NOC3L: variants seen among roughly 807,000 people sequenced by gnomAD.
The protein encoded by NOC3L is nucleolar complex protein 3 homolog.
A neutral mutation model predicts 102.5 loss-of-function variants in NOC3L; 85 were observed. That is an observed-to-expected ratio of 0.83 (90% CI 0.70 to 0.99). The LOEUF (loss-of-function observed/expected upper bound fraction) is 0.99, where lower values mean the gene tolerates loss of function less well. NOC3L is among the 50% of genes least tolerant of loss of function. NOC3L has a pLI of 0.00. For missense variants in NOC3L, 878 were observed against 914.9 expected, an observed-to-expected ratio of 0.96 and a Z score of 0.52; for synonymous variants, 303 against 309.4, an observed-to-expected ratio of 0.98 and a Z score of 0.22.
chr10:94,341,732 T>C lies in NOC3L; in HGVS notation c.1585A>G (p.Ile529Val). The C allele has an allele frequency of 2.6e-6, 4 of 1,561,432 alleles. No homozygotes were observed. The highest frequency in any genetic ancestry group is 3.5e-6 in the Non-Finnish European group (4 of 1,151,648). ...LEGLAKFAHL[I>V]NVEFFDDLLV... ...AGATCATCAAAAAATTCCACATTTA[T>C]AAGGTGAGCAAACCTGGAATCAAAC... Residue 529 changes from isoleucine to valine, a missense_variant, in exon 14 of 21, where the codon ATA (isoleucine) becomes GTA (valine). Coordinates refer to ENST00000371361, the MANE Select transcript of NOC3L (RefSeq NM_022451.11).
intron 2 of NOC3L, among the ~76,000 whole-genome samples, chr10:94,359,355 GGCAGAGATTGCAATGAGCAGA>G (rs918797851): frequency 3.2e-4 from 48 of 152,078 alleles, no homozygotes; most frequent in East Asian, 5.8e-4. Context: ...GAATCCCGTA[GGCAGAGATTGCAATGAGCAGA>G]GCAGAGATTG....
At chr10:94,361,543 T>G (rs1486250145) in intron 2 of NOC3L, 122 bp downstream of exon 2, 10 of 870,166 alleles carry the variant, frequency 1.1e-5, no homozygotes, top group African/African-American at 1.7e-5. Flanking sequence ...ACTACTATCC[T>G]TACCCACTCT....
At chr10:94,325,248 A>T in the NOC3L span, 2 of 660,832 alleles carry the variant, frequency 3.0e-6, no homozygotes, top group South Asian at 3.5e-5. Context: ...TTAAAACAGG[A>T]AAAGGGCTCT....
At position 94,337,838 on chromosome 10, in the gene NOC3L, G is replaced by A. The variant is rs777302547; in HGVS notation, c.2128C>T (p.His710Tyr). ...TCAGAAGGTGCTCCAGCGATCAGGT[G>A]GGCTGCAAATCTCTGCACTATGGGA... ...YHPIVQRFAA[H>Y]LIAGAPSEGS... The change falls in exon 19 of 21, where the codon CAC becomes TAC. Residue 710 changes from histidine (H) to tyrosine (Y), a missense_variant. Coordinates refer to ENST00000371361, the MANE Select transcript of NOC3L (RefSeq NM_022451.11). 1.9e-6 allele frequency: 3 copies of A among 1,613,942 alleles called. No homozygotes were observed. In the Admixed American group the frequency reaches 5.0e-5, roughly 27 times the overall value.
chr10:94,341,722 T>C lies in NOC3L; in HGVS notation c.1595A>G (p.Glu532Gly), dbSNP rs1235215353. 2 of 1,570,350 alleles carry C rather than the reference T, an allele frequency of 1.3e-6. No individual in the cohort carries two copies. The highest frequency in any genetic ancestry group is 8.6e-7 in the Non-Finnish European group (1 of 1,156,396). ...LAKFAHLINV[E>G]FFDDLLVVLH... is the part of the protein sequence containing the mutation. ...AACTACTAACAGATCATCAAAAAAT[T>C]CCACATTTATAAGGTGAGCAAACCT... The change falls in exon 14 of 21, where the codon GAA becomes GGA. Residue 532 changes from glutamate to glycine, a missense_variant. By Grantham distance (98) the Glu-to-Gly change is moderately conservative. Transcript: ENST00000371361.
chr10:94,349,475 A>G, intron 9 of NOC3L, 97 bp from the exon 10 acceptor site: 1 of 1,097,780 alleles, frequency 9.1e-7, no homozygotes, highest in Non-Finnish European at 1.2e-6. Context: ...GGACTGTCCT[A>G]GGATGTTTAA....
chr10:94,344,391 G>C (rs192507422), intron 13 of NOC3L, 24 bp downstream of exon 13: 3 of 1,512,414 alleles, frequency 2.0e-6, no homozygotes, highest in African/African-American at 1.4e-5. Context: ...GAATCTAAAA[G>C]ATTTCAACCT....
chr10:94,321,056 A>G, the NOC3L span, among the ~76,000 whole-genome samples: 1 of 152,152 alleles, frequency 6.6e-6, no homozygotes, highest in Non-Finnish European at 1.5e-5. Flanking sequence ...AAGCCAATTA[A>G]TCTAATTCTC....
chr10:94,353,036 G>A lies in NOC3L; in HGVS notation c.718C>T (p.Arg240Cys), dbSNP rs140247215. Residue 240 changes from arginine to cysteine, a missense_variant, in exon 7 of 21, where the codon CGT (arginine) becomes TGT (cysteine). By Grantham distance (180) the Arg-to-Cys change is radical. Transcript: ENST00000371361. ...ENNIKKLKEL[R>C]SMLMEQDPDV... ...GGATCTTGTTCCATCAACATAGAAC[G>A]TAATTCTTTCAATTTTTTAATCTGT... 26 of 1,603,856 alleles carry A rather than the reference G, an allele frequency of 1.6e-5. No individual in the cohort carries two copies. The highest frequency in any genetic ancestry group is 2.7e-5 in the African/African-American group (2 of 74,150).
At chr10:94,353,142 C>A in intron 6 of NOC3L, 85 bp from the exon 7 acceptor site, 1 of 1,121,272 alleles carries the variant, frequency 8.9e-7, no homozygotes, top group Admixed American at 2.2e-5. Flanking sequence ...TCCGGCAAAA[C>A]AAGCGGAATT....
chr10:94,318,019 T>C, the NOC3L span, among the ~76,000 whole-genome samples: 1 of 152,178 alleles, frequency 6.6e-6, no homozygotes, highest in South Asian at 2.1e-4. Flanking sequence ...ATTTTAACCA[T>C]TGTGTGTTTT....
chr10:94,336,878 G>A (rs911457262), intron 19 of NOC3L, among the ~76,000 whole-genome samples: 11 of 151,448 alleles, frequency 7.3e-5, no homozygotes, highest in African/African-American at 2.7e-4. Flanking sequence ...AGACCAGCCT[G>A]GCCAGCATGG....
At chr10:94,329,510 A>C (rs1171280627), downstream of NOC3L, 1 of 152,206 alleles carries the variant, frequency 6.6e-6, no homozygotes, top group African/African-American at 2.4e-5. Flanking sequence ...CAGGCTGGGC[A>C]GAGTGGCTCA....
chr10:94,337,618 T>G (rs1234923050), intron 19 of NOC3L, among the ~76,000 whole-genome samples, 159 bp downstream of exon 19: 1 of 152,246 alleles, frequency 6.6e-6, no homozygotes, highest in Non-Finnish European at 1.5e-5. Flanking sequence ...ATAGCATGTT[T>G]TCTTTCAGAA....
At chr10:94,335,977 A>T (rs1408130738) in intron 19 of NOC3L, among the ~76,000 whole-genome samples, 3 of 152,196 alleles carry the variant, frequency 2.0e-5, no homozygotes, top group Non-Finnish European at 4.4e-5. Context: ...TTAAAAGGTG[A>T]TTAAGCCATG....
intron 2 of NOC3L, among the ~76,000 whole-genome samples, chr10:94,359,330 G>GC (rs1564919142): frequency 6.6e-6 from 1 of 152,142 alleles, no homozygotes; most frequent in East Asian, 1.9e-4. Flanking sequence ...GGAAGCTGAG[G>GC]CAGGAGAATC....
At chr10:94,322,749 C>T in the NOC3L span, among the ~76,000 whole-genome samples, 10,422 of 151,380 alleles carry the variant, frequency 0.069, 477 homozygotes, top group East Asian at 0.2. Context: ...CATGCCATTG[C>T]GCGTCAGCCT....
At chr10:94,334,547 T>A in intron 20 of NOC3L, 87 bp downstream of exon 20, 1 of 976,562 alleles carries the variant, frequency 1.0e-6, no homozygotes, top group Non-Finnish European at 1.5e-6. Context: ...AAACTACCTA[T>A]AAAATAATTA....
At chr10:94,327,750 A>G in the NOC3L span, among the ~76,000 whole-genome samples, 1 of 152,194 alleles carries the variant, frequency 6.6e-6, no homozygotes, top group African/African-American at 2.4e-5. Flanking sequence ...CAAACTTTCT[A>G]AAGAATGTGA....
Sources: gnomAD v4.1 joint callset for allele counts (sites outside exome capture counted in the v4.1 genomes callset) on GRCh38, gnomAD v4.1.1 for gene constraint, MANE v1.5 for transcripts, NCBI Gene and HGNC (gene_info 2026-07-23, HGNC 2026-07-21) for gene names.